The following RORB variants were observed in gnomAD, a reference collection of about 807,000 sequenced individuals.
The protein encoded by RORB is RAR related orphan receptor B.
Under a neutral mutation model 59.1 loss-of-function variants are expected in RORB, and 6 were observed. That is an observed-to-expected ratio of 0.10 (90% CI 0.06 to 0.20). The LOEUF (loss-of-function observed/expected upper bound fraction) is 0.20, where lower values mean the gene tolerates loss of function less well. Among genes scored for constraint, RORB ranks in the 10% least tolerant of loss-of-function variants. RORB has a pLI of 1.00. For missense variants in RORB, 320 were observed against 560.5 expected (o/e 0.57, Z 4.33); for synonymous variants, 215 against 204.5 (o/e 1.05, Z -0.44).
At chr9:74,679,268 A>G (rs558270571) in intron 9 of RORB, among the ~76,000 whole-genome samples, 1 of 152,108 alleles carries the variant, frequency 6.6e-6, no homozygotes, top group Non-Finnish European at 1.5e-5. Flanking sequence ...TTTGATTTAT[A>G]CTTTAAAATG....
chr9:74,626,826 C>T (rs1823525562), intron 1 of RORB, among the ~76,000 whole-genome samples: 2 of 152,164 alleles, frequency 1.3e-5, no homozygotes, highest in African/African-American at 2.4e-5. Flanking sequence ...ATTTGTTGTT[C>T]TAATCAGTTT....
chr9:74,537,674 T>C (rs546303591), intron 1 of RORB, among the ~76,000 whole-genome samples: 1 of 152,200 alleles, frequency 6.6e-6, no homozygotes, highest in South Asian at 2.1e-4. Flanking sequence ...TGATGAGTTT[T>C]AGCAGTACAG....
chr9:74,517,907 T>C (rs1035772049), intron 1 of RORB, among the ~76,000 whole-genome samples: 1 of 152,046 alleles, frequency 6.6e-6, no homozygotes, highest in Non-Finnish European at 1.5e-5. Context: ...CCTCAGTTAA[T>C]CATCAGAATA....
chr9:74,579,683 T>G (rs1348045514), intron 1 of RORB, among the ~76,000 whole-genome samples: 1 of 152,072 alleles, frequency 6.6e-6, no homozygotes, highest in Non-Finnish European at 1.5e-5. Context: ...CTCACCACAA[T>G]AGAAGGGAGT....
intron 1 of RORB, among the ~76,000 whole-genome samples, chr9:74,592,849 G>T (rs970338399): frequency 3.3e-5 from 5 of 151,670 alleles, no homozygotes; most frequent in African/African-American, 1.2e-4. Context: ...ACACACACAT[G>T]AACATGCACA....
In RORB at chr9:74,515,404, C is replaced by T. The variant is rs112936993; in HGVS notation, c.7+17421C>T. Among the ~76,000 whole-genome samples, 678 of 151,964 alleles carry T rather than the reference C, an allele frequency of 4.5e-3. 8 individuals are homozygous for T. Among genetic ancestry groups the T allele is most frequent in the African/African-American group, 0.015 (623 of 41,476 alleles). ...AGTCTGTGCGATGTTTCCTCACATA[C>T]CATCTCACTGAATATTATTATACCC... is the stretch of plus-strand genomic sequence containing the variant. On this transcript the variant is annotated intron_variant, in intron 1 of 9. Coordinates refer to ENST00000376896, the MANE Select transcript of RORB (RefSeq NM_006914.4).
chr9:74,597,765 C>T (rs945755127), intron 1 of RORB, among the ~76,000 whole-genome samples: 4 of 152,110 alleles, frequency 2.6e-5, no homozygotes, highest in African/African-American at 4.8e-5. Context: ...TCGAGACCAG[C>T]CTGACCAACA....
intron 1 of RORB, among the ~76,000 whole-genome samples, chr9:74,556,189 T>A (rs1304669995): frequency 6.6e-6 from 1 of 152,222 alleles, no homozygotes; most frequent in East Asian, 1.9e-4. Context: ...ATAACTTCTG[T>A]AAGTCCTTGG....
chr9:74,512,436 A>G (rs1825952028), intron 1 of RORB, among the ~76,000 whole-genome samples: 1 of 152,230 alleles, frequency 6.6e-6, no homozygotes, highest in Non-Finnish European at 1.5e-5. Flanking sequence ...GGAAGAATTC[A>G]TTATGATGTT....
chr9:74,669,253 C>A (rs573214826), intron 8 of RORB, among the ~76,000 whole-genome samples: 4 of 152,246 alleles, frequency 2.6e-5, no homozygotes, highest in South Asian at 4.1e-4. Context: ...CCGAGGCCAG[C>A]GGATCACCTG....
intron 4 of RORB, 102 bp from the exon 5 acceptor site, chr9:74,660,515 A>G (rs1824164783): frequency 3.0e-6 from 3 of 1,006,878 alleles, no homozygotes; most frequent in South Asian, 1.9e-5. Context: ...CTTTAATACA[A>G]TAGGAGTATC....
At chr9:74,515,175 C>A (rs1362969261) in intron 1 of RORB, among the ~76,000 whole-genome samples, 1 of 151,214 alleles carries the variant, frequency 6.6e-6, no homozygotes, top group Non-Finnish European at 1.5e-5. Flanking sequence ...CATTATAGCA[C>A]TTACGTGTCA....
At chr9:74,646,884 A>G (rs1334487089) in intron 4 of RORB, among the ~76,000 whole-genome samples, 1 of 151,760 alleles carries the variant, frequency 6.6e-6, no homozygotes, top group Non-Finnish European at 1.5e-5. Context: ...ATGCTACCAC[A>G]CTCTTCTGGA....
rs10119401 is a variant in RORB at position 74,615,576 on chromosome 9, T to C, written c.8-14706T>C. On this transcript the variant is annotated intron_variant, in intron 1 of 9. Transcript: ENST00000376896. ...AGTGAAAAGTATCATATTTTTCAGT[T>C]AGACTTTTAATTGCTACGTCAAAAT... The C allele has an allele frequency of 3.3e-3, 1,504 of 453,070 alleles. 20 individuals are homozygous for C. Among genetic ancestry groups the C allele is most frequent in the African/African-American group, 0.025 (1,227 of 50,024 alleles). The allele number at this position is 453,070 out of a possible 1,614,324, so 28.1% of individuals were successfully genotyped here.
chr9:74,522,475 C>T (rs1374613095), intron 1 of RORB, among the ~76,000 whole-genome samples: 1 of 151,588 alleles, frequency 6.6e-6, no homozygotes, highest in Non-Finnish European at 1.5e-5. Flanking sequence ...TCTGAGTTAC[C>T]TGTATGTAGG....
At chr9:74,583,661 G>A (rs1563944020) in intron 1 of RORB, among the ~76,000 whole-genome samples, 1 of 152,130 alleles carries the variant, frequency 6.6e-6, no homozygotes, top group Non-Finnish European at 1.5e-5. Context: ...AAGATGAACA[G>A]TTCAGACCAC....
Position 74,634,966 on chromosome 9 carries a change from G to A in RORB, c.235+194G>A, listed in dbSNP as rs189701367. ...AGAGCATTGCCTATGAAATAAGAAAGCAAAGACTTTACCATAGCTCAGGGA... is the reference window on the plus strand; with the variant it reads ...AGAGCATTGCCTATGAAATAAGAAAACAAAGACTTTACCATAGCTCAGGGA... On this transcript the variant is annotated intron_variant, in intron 3 of 9. Transcript: ENST00000376896. 1.7e-3 allele frequency among the ~76,000 whole-genome samples: 254 copies of A among 152,306 alleles called. 2 individuals are homozygous for A. Among genetic ancestry groups the A allele is most frequent in the African/African-American group, 5.5e-3 (230 of 41,568 alleles).
intron 1 of RORB, among the ~76,000 whole-genome samples, chr9:74,568,725 A>T (rs1377013118): frequency 1.3e-5 from 2 of 151,872 alleles, no homozygotes; most frequent in Non-Finnish European, 2.9e-5. Context: ...GAAAAAAAGA[A>T]AATTAACTGG....
intron 1 of RORB, among the ~76,000 whole-genome samples, chr9:74,569,913 T>G (rs1331740678): frequency 1.3e-5 from 2 of 152,192 alleles, no homozygotes; most frequent in East Asian, 1.9e-4. Flanking sequence ...TTTATTCGAT[T>G]TTTTTAGATC....
Sources: gnomAD v4.1 joint callset for allele counts (sites outside exome capture counted in the v4.1 genomes callset) on GRCh38, gnomAD v4.1.1 for gene constraint, MANE v1.5 for transcripts, NCBI Gene and HGNC (gene_info 2026-07-23, HGNC 2026-07-21) for gene names.